Variants in NTRK3 observed in about 807,000 individuals in gnomAD.
NTRK3 encodes neurotrophic receptor tyrosine kinase 3.
NTRK3 carries 24 observed loss-of-function variants against 91.7 expected under a neutral mutation model. The ratio of observed to expected loss-of-function variants is 0.26; its 90% CI spans 0.19 to 0.37. The LOEUF (loss-of-function observed/expected upper bound fraction) is 0.37, where lower values mean the gene tolerates loss of function less well. Ranked by LOEUF, NTRK3 falls within the 10% of genes least tolerant of loss-of-function variation. The pLI is 1.00. For missense variants in NTRK3, 880 were observed against 1,068.9 expected, an observed-to-expected ratio of 0.82 and a Z score of 2.46; for synonymous variants, 483 against 404.0, an observed-to-expected ratio of 1.20 and a Z score of -2.34.
chr15:88,145,927 G>A (rs575636917), intron 6 of NTRK3, among the ~76,000 whole-genome samples: 1 of 152,328 alleles, frequency 6.6e-6, no homozygotes, highest in African/African-American at 2.4e-5. Context: ...GTTGAGCACA[G>A]TGGTCAAAGC....
At chr15:88,191,159 T>A (rs994644448) in intron 3 of NTRK3, among the ~76,000 whole-genome samples, 1 of 136,532 alleles carries the variant, frequency 7.3e-6, no homozygotes, top group Non-Finnish European at 1.5e-5. Flanking sequence ...AAGCTGATGT[T>A]TCCCGTGTGT....
intron 18 of NTRK3, among the ~76,000 whole-genome samples, chr15:87,878,532 T>C (rs57857391): frequency 0.024 from 3,596 of 152,176 alleles, 168 homozygotes; most frequent in African/African-American, 0.081. Flanking sequence ...TACCTTCACC[T>C]CCAGGAAAAG....
intron 7 of NTRK3, 93 bp downstream of exon 7, chr15:88,137,311 G>A (rs2041968277): frequency 4.1e-6 from 6 of 1,475,558 alleles, no homozygotes; most frequent in Admixed American, 3.5e-5. Context: ...TCGAAAGGAA[G>A]GCTCTGGCAT....
At chr15:88,180,233 C>T (rs1295987156) in intron 5 of NTRK3, among the ~76,000 whole-genome samples, 1 of 152,180 alleles carries the variant, frequency 6.6e-6, no homozygotes, top group Non-Finnish European at 1.5e-5. Flanking sequence ...TTATCAATCT[C>T]AGAAATCCTT....
At chr15:88,072,868 T>A (rs1467499408) in intron 13 of NTRK3, 1 of 232,444 alleles carries the variant, frequency 4.3e-6, no homozygotes, top group African/African-American at 2.2e-5. Context: ...CGTGTTCTTT[T>A]TCCTGGCAGC....
intron 3 of NTRK3, among the ~76,000 whole-genome samples, chr15:88,247,571 G>A (rs929339152): frequency 7.2e-5 from 11 of 152,294 alleles, no homozygotes; most frequent in African/African-American, 2.2e-4. Flanking sequence ...AGAGCCTAGC[G>A]AATACATCAT....
intron 3 of NTRK3, chr15:88,210,140 A>T (rs957077328): frequency 6.6e-6 from 1 of 152,232 alleles, no homozygotes; most frequent in Non-Finnish European, 1.5e-5. Flanking sequence ...ACAAGTGTTT[A>T]TGAAGCACTG....
rs567178831 is a variant in NTRK3, at chr15:88,008,436, A to T, written c.1585+24421T>A. On this transcript the variant is annotated intron_variant, in intron 14 of 18. Transcript: ENST00000394480. The stretch of plus-strand genomic sequence containing the variant: ...TGTGAGCCCCGAGAGAAGCTGGCAG[A>T]CCCCACACAAAGACCAAGAACCAGG... 9.9e-5 allele frequency among the ~76,000 whole-genome samples: 15 copies of T among 152,042 alleles called. No individual in the cohort carries two copies. In the East Asian group the frequency reaches 2.9e-3, roughly 30 times the overall value.
rs775606957 is a variant in NTRK3 at position 88,234,289 on chromosome 15, T to C, written c.248+21617A>G. Among the ~76,000 whole-genome samples, 1 of 152,222 alleles carries C rather than the reference T, an allele frequency of 6.6e-6. No homozygotes were observed. The highest frequency in any genetic ancestry group is 2.4e-5 in the African/African-American group (1 of 41,442). On this transcript the variant is annotated intron_variant, in intron 3 of 18. Transcript: ENST00000394480. This position sits in a 1 kb window ranked among gnomAD's most constrained non-coding sequence, Gnocchi z 6.1. ...GACTGCACTCTCTTCCTTCATTCATTCATTCTCCTTCATTGATTGATGCAT... is the reference window on the plus strand; with the variant it reads ...GACTGCACTCTCTTCCTTCATTCATCCATTCTCCTTCATTGATTGATGCAT...
At chr15:88,253,556 T>A (rs772366366) in intron 3 of NTRK3, 4 of 152,234 alleles carry the variant, frequency 2.6e-5, no homozygotes, top group Non-Finnish European at 4.4e-5. Flanking sequence ...GCTCAGTCAA[T>A]ACCAGCCATA....
chr15:87,911,417 C>T (rs189090336), intron 17 of NTRK3, among the ~76,000 whole-genome samples: 353 of 152,278 alleles, frequency 2.3e-3, no homozygotes, highest in Middle Eastern at 6.8e-3. Flanking sequence ...CTTCTGAAAC[C>T]TCATGTCCAG....
chr15:88,168,549 GGTTGCTC>G (rs1359260141), intron 5 of NTRK3, among the ~76,000 whole-genome samples: 3 of 152,216 alleles, frequency 2.0e-5, no homozygotes, highest in Non-Finnish European at 4.4e-5. Context: ...AGGAGCACAC[GGTTGCTC>G]TTTGCAAACA....
chr15:88,098,044 C>A (rs912190163), intron 13 of NTRK3, among the ~76,000 whole-genome samples: 1 of 152,154 alleles, frequency 6.6e-6, no homozygotes, highest in African/African-American at 2.4e-5. Context: ...TTCCATTTTG[C>A]CAAATTTATG....
In NTRK3 at chr15:88,243,992, A is replaced by G. The variant is rs914132435; in HGVS notation, c.248+11914T>C. ...AAACCTCTGAAGCCAATATCCACTA[A>G]CCCTGACTCAGTCTGACCTGGCCTG... On this transcript the variant is annotated intron_variant, in intron 3 of 18. Transcript: ENST00000394480. The surrounding 1 kb of genome is among the most constrained non-coding windows in gnomAD (Gnocchi z 4.8). 1.3e-5 allele frequency among the ~76,000 whole-genome samples: 2 copies of G among 152,020 alleles called. No individual in the cohort carries two copies. The highest frequency in any genetic ancestry group is 2.9e-5 in the Non-Finnish European group (2 of 68,006).
chr15:87,884,862 G>T (rs527965363), intron 17 of NTRK3, among the ~76,000 whole-genome samples: 1 of 151,596 alleles, frequency 6.6e-6, no homozygotes, highest in African/African-American at 2.4e-5. Context: ...CTGACAAAAC[G>T]TTAGGAAAAT....
chr15:87,860,851 G>T (rs150079159), exon 19 of NTRK3: 4 of 217,712 alleles, frequency 1.8e-5, no homozygotes, highest in Non-Finnish European at 3.7e-5. Context: ...ATACAAATGA[G>T]GAACTATCAA....
chr15:88,114,824 T>A (rs1042298631), intron 13 of NTRK3, among the ~76,000 whole-genome samples: 2 of 152,260 alleles, frequency 1.3e-5, no homozygotes, highest in African/African-American at 4.8e-5. Flanking sequence ...CATTTGCATA[T>A]GTATCCTTTC....
chr15:88,197,094 C>CAAA (rs59553739), intron 3 of NTRK3, among the ~76,000 whole-genome samples: 3,061 of 56,538 alleles, frequency 0.054, 717 homozygotes, highest in South Asian at 0.078. Flanking sequence ...TTGAGCAGGA[C>CAAA]AAAAAAAAAA....
At chr15:88,043,325 G>A (rs186271342) in intron 13 of NTRK3, among the ~76,000 whole-genome samples, 72 of 152,328 alleles carry the variant, frequency 4.7e-4, no homozygotes, top group African/African-American at 1.6e-3. Flanking sequence ...TTTTTGGCCC[G>A]AGGCCCCATG....
Sources: gnomAD v4.1 joint callset for allele counts (sites outside exome capture counted in the v4.1 genomes callset) on GRCh38, gnomAD v4.1.1 for gene constraint, Gnocchi (gnomAD v3.1) non-coding constraint, MANE v1.5 for transcripts, NCBI Gene and HGNC (gene_info 2026-07-23, HGNC 2026-07-21) for gene names.